NT5C3A: variants seen among roughly 807,000 people sequenced by gnomAD.
NT5C3A encodes the protein cytosolic 5'-nucleotidase 3A.
Under a neutral mutation model 40.0 loss-of-function variants are expected in NT5C3A, and 23 were observed. The observed-to-expected ratio is 0.58, with a 90% CI of 0.41 to 0.81. The LOEUF is 0.81. Among genes scored for constraint, NT5C3A ranks in the 40% least tolerant of loss-of-function variants. The pLI is 0.00. For missense variants in NT5C3A, 328 were observed against 403.0 expected, an observed-to-expected ratio of 0.81 and a Z score of 1.59; for synonymous variants, 130 against 141.4, an observed-to-expected ratio of 0.92 and a Z score of 0.57.
chr7:33,026,774 A>AT lies in NT5C3A; in HGVS notation c.237+42dup, dbSNP rs539706835. 7,568 of 1,345,572 alleles carry AT rather than the reference A, an allele frequency of 5.6e-3. 25 individuals are homozygous for AT. Among genetic ancestry groups the AT allele is most frequent in the Non-Finnish European group, 7.2e-3 (6,723 of 939,662 alleles). 83.4% of individuals were successfully genotyped at this position (1,345,572 alleles called of 1,614,324 possible). A position where few individuals can be genotyped will look rare whatever the true frequency, so the allele number is the denominator to read the frequency against. On this transcript the variant is annotated intron_variant, in intron 2 of 8. Coordinates refer to ENST00000610140, the MANE Select transcript of NT5C3A (RefSeq NM_001002010.5). ...CTCCCAAAGTGCTGGAATTACAGGCATGAGCCAACACACACAGCCAAGGCT... is the reference window on the plus strand; with the variant it reads ...CTCCCAAAGTGCTGGAATTACAGGCATTGAGCCAACACACACAGCCAAGGCT...
intron 1 of NT5C3A, among the ~76,000 whole-genome samples, chr7:33,039,984 T>A (rs981610678): frequency 1.3e-5 from 2 of 152,166 alleles, no homozygotes; most frequent in Non-Finnish European, 2.9e-5. Context: ...TCACTACCTC[T>A]AATATCTAAT....
intron 1 of NT5C3A, among the ~76,000 whole-genome samples, chr7:33,039,566 T>TTTTTTTG (rs1554292233): frequency 9.7e-5 from 14 of 144,690 alleles, no homozygotes; most frequent in Admixed American, 4.9e-4. Flanking sequence ...TTTTTTGTTT[T>TTTTTTTG]TTTTTTTTTT....
intron 2 of NT5C3A, among the ~76,000 whole-genome samples, chr7:33,026,264 G>A (rs986265445): frequency 5.8e-5 from 8 of 139,078 alleles, no homozygotes; most frequent in African/African-American, 1.6e-4. Flanking sequence ...TACGAAAATC[G>A]CCTGAACCCA....
chr7:33,018,678 G>A (rs1008674363), intron 6 of NT5C3A, among the ~76,000 whole-genome samples: 7 of 151,896 alleles, frequency 4.6e-5, no homozygotes, highest in Non-Finnish European at 7.4e-5. Context: ...GTGAAACCCC[G>A]TCTCTACTAA....
In NT5C3A at chr7:33,036,048, A is replaced by G. The variant is rs1168757776; in HGVS notation, c.139-9133T>C. ...AAAAAAAAAAGTACACGTGACATAC[A>G]TAAATTTCAGGTTCTTCCTGTTATG... On this transcript the variant is annotated intron_variant, in intron 1 of 8. Transcript: ENST00000610140. The G allele has an allele frequency of 6.7e-6, 9 of 1,344,286 alleles. No homozygotes were observed. The African/African-American group carries it at 8.6e-5, about 13-fold the overall frequency. 83.3% of individuals were successfully genotyped at this position (1,344,286 alleles called of 1,614,324 possible).
At chr7:33,037,458 G>A (rs1247978682) in intron 1 of NT5C3A, among the ~76,000 whole-genome samples, 5 of 152,124 alleles carry the variant, frequency 3.3e-5, no homozygotes, top group African/African-American at 1.2e-4. Context: ...AGTTGAAAGC[G>A]AGAACATATC....
chr7:33,038,772 C>A (rs1939410086), intron 1 of NT5C3A: 2 of 442,184 alleles, frequency 4.5e-6, no homozygotes, highest in African/African-American at 2.0e-5. Context: ...ATTTTTAAAC[C>A]AATAGGCTTG....
chr7:33,044,701 T>C (rs1787077887), intron 1 of NT5C3A, among the ~76,000 whole-genome samples: 1 of 152,236 alleles, frequency 6.6e-6, no homozygotes, highest in Admixed American at 6.5e-5. Flanking sequence ...TCCATTTTTA[T>C]TTCTGAGTAA....
intron 1 of NT5C3A, chr7:33,029,372 C>A (rs1715365348): frequency 3.2e-6 from 1 of 309,632 alleles, no homozygotes; most frequent in Admixed American, 4.2e-5. Flanking sequence ...TGCTTTTCTG[C>A]TGAGTTTTAG....
chr7:33,037,871 C>T (rs1310565325), intron 1 of NT5C3A, among the ~76,000 whole-genome samples: 1 of 152,064 alleles, frequency 6.6e-6, no homozygotes, highest in Non-Finnish European at 1.5e-5. Context: ...CATTTGATCA[C>T]CACCCTCAAA....
intron 1 of NT5C3A, among the ~76,000 whole-genome samples, chr7:33,031,079 G>GAC (rs1786226628): frequency 7.3e-6 from 1 of 137,180 alleles, no homozygotes; most frequent in African/African-American, 2.8e-5. Flanking sequence ...CAGCCTGGGC[G>GAC]ACAGCGAGAC....
In NT5C3A at chr7:33,024,029, TCA is replaced by T. The variant is rs1785779041; in HGVS notation, c.307+8_307+9del. On this transcript the variant is annotated splice_region_variant and intron_variant, in intron 3 of 8. Coordinates refer to ENST00000610140, the MANE Select transcript of NT5C3A (RefSeq NM_001002010.5). ...GCTTTTGTGAATTTGTTTACAAATA[TCA>T]CACTTACTATGACATGTTGGGCATC... 2 of 1,455,326 alleles carry T rather than the reference TCA, an allele frequency of 1.4e-6. No homozygotes were observed. The highest frequency in any genetic ancestry group is 1.1e-5 in the South Asian group (1 of 87,280). The allele number at this position is 1,455,326 out of a possible 1,614,324, so 90.2% of individuals were successfully genotyped here.
At chr7:33,060,423 C>T (rs1294415821) in intron 1 of NT5C3A, among the ~76,000 whole-genome samples, 1 of 129,216 alleles carries the variant, frequency 7.7e-6, no homozygotes, top group Non-Finnish European at 1.6e-5. Flanking sequence ...CCTCACCCTC[C>T]CAAAGTGCTG....
intron 1 of NT5C3A, among the ~76,000 whole-genome samples, chr7:33,039,088 T>C (rs559577272): frequency 6.4e-4 from 98 of 152,294 alleles, no homozygotes; most frequent in Admixed American, 2.9e-3. Flanking sequence ...AGGACAAGTC[T>C]AAAGACTGAA....
chr7:33,056,756 AGACTCAATAGT>A (rs1787588301), intron 1 of NT5C3A, among the ~76,000 whole-genome samples: 1 of 152,164 alleles, frequency 6.6e-6, no homozygotes, highest in Non-Finnish European at 1.5e-5. Context: ...TTTAAAACAC[AGACTCAATAGT>A]GGGCTTTCGA....
At chr7:33,052,485 C>CAAAAAAAA (rs60149792) in intron 1 of NT5C3A, among the ~76,000 whole-genome samples, 1 of 74,240 alleles carries the variant, frequency 1.3e-5, no homozygotes, top group African/African-American at 5.6e-5. Flanking sequence ...GACTCGGTCT[C>CAAAAAAAA]AAAAAAAAAA....
chr7:33,016,057 A>G lies in NT5C3A; in HGVS notation c.694-187T>C, dbSNP rs1583888007. ...AGCTAAGAAGGGCTCGGAGAAGTAA[A>G]TGATTTTTTAGATACTATTTTAAAT... On this transcript the variant is annotated intron_variant, in intron 7 of 8. Coordinates refer to ENST00000610140, the MANE Select transcript of NT5C3A (RefSeq NM_001002010.5). 6.8e-6 allele frequency: 4 copies of G among 587,154 alleles called. No individual in the cohort carries two copies. The East Asian group carries it at 1.2e-4, about 17-fold the overall frequency. The allele number at this position is 587,154 out of a possible 1,614,324, so 36.4% of individuals were successfully genotyped here.
At chr7:33,049,479 T>C (rs958326844) in intron 1 of NT5C3A, among the ~76,000 whole-genome samples, 7 of 152,072 alleles carry the variant, frequency 4.6e-5, no homozygotes, top group Admixed American at 6.6e-5. Context: ...CTATAACTTG[T>C]TAAAGGAAAA....
chr7:33,029,596 A>G (rs754239377), intron 1 of NT5C3A: 2 of 1,170,342 alleles, frequency 1.7e-6, no homozygotes, highest in Non-Finnish European at 2.3e-6. Flanking sequence ...AAAAAATTAA[A>G]TATTTGATTT....
Sources: gnomAD v4.1 joint callset for allele counts (sites outside exome capture counted in the v4.1 genomes callset) on GRCh38, gnomAD v4.1.1 for gene constraint, MANE v1.5 for transcripts, NCBI Gene and HGNC (gene_info 2026-07-23, HGNC 2026-07-21) for gene names.